PLCB2: variants seen among roughly 807,000 people sequenced by gnomAD.
The protein encoded by PLCB2 is phospholipase C beta 2.
In PLCB2, 115 loss-of-function variants were observed where a neutral mutation model predicts 141.7. The observed-to-expected ratio is 0.81, with a 90% CI of 0.70 to 0.95. The LOEUF (loss-of-function observed/expected upper bound fraction) is 0.95. Ranked by LOEUF, PLCB2 falls within the 40% of genes least tolerant of loss-of-function variation. The pLI, the probability that PLCB2 is intolerant of heterozygous loss-of-function variation, is 0.00. For missense variants in PLCB2, 1,403 were observed against 1,541.1 expected, an observed-to-expected ratio of 0.91 and a Z score of 1.50; for synonymous variants, 603 against 595.6, an observed-to-expected ratio of 1.01 and a Z score of -0.18.
At chr15:40,304,151 C>A (rs2040675143) in intron 1 of PLCB2, 73 bp from the exon 2 acceptor site, 1 of 1,011,274 alleles carries the variant, frequency 9.9e-7, no homozygotes, top group South Asian at 1.4e-5. Context: ...CCAGGGGTTT[C>A]AGAGCTCATT....
intron 11 of PLCB2, 125 bp downstream of exon 11, chr15:40,298,098 C>T: frequency 8.2e-7 from 1 of 1,221,646 alleles, no homozygotes; most frequent in South Asian, 1.4e-5. Context: ...CCTGCTGGTC[C>T]CCAATGGTCT....
At position 40,305,613 on chromosome 15, in the gene PLCB2, A is replaced by G. The variant is rs79446306; in HGVS notation, c.85-1535T>C. The stretch of plus-strand genomic sequence containing the variant: ...AAGGTGGTAAGAAGGGGCTGAAGAC[A>G]TAGTTGTGAGTGACCCCTAAAATAG... On this transcript the variant is annotated intron_variant, in intron 1 of 31. Transcript: ENST00000260402. Among the ~76,000 whole-genome samples, 157 of 152,336 alleles carry G rather than the reference A, an allele frequency of 1.0e-3. 3 individuals are homozygous for G. The East Asian group carries it at 0.024, about 23-fold the overall frequency.
chr15:40,304,371 C>T (rs557474545), intron 1 of PLCB2, among the ~76,000 whole-genome samples: 79 of 152,252 alleles, frequency 5.2e-4, no homozygotes, highest in Middle Eastern at 3.4e-3. Context: ...CCTACTGCCA[C>T]CCAGGAGAGA....
intron 29 of PLCB2, among the ~76,000 whole-genome samples, 157 bp downstream of exon 29, chr15:40,290,416 GAGGA>G (rs1385176298): frequency 6.6e-6 from 1 of 152,240 alleles, no homozygotes; most frequent in Non-Finnish European, 1.5e-5. Flanking sequence ...TGTTTTGTCT[GAGGA>G]GGACACTCTG....
At position 40,288,525 on chromosome 15, in the gene PLCB2, C is replaced by G; in HGVS notation, c.*190G>C. On this transcript the variant is annotated 3_prime_UTR_variant, in exon 32 of 32. Coordinates refer to ENST00000260402, the MANE Select transcript of PLCB2 (RefSeq NM_004573.3). ...AAGACTTCTAGGCCCCAGAGAGGCC[C>G]TGCCGTGAGGGTGCCTGGGTCCTGT... The G allele has an allele frequency of 7.6e-7, 1 of 1,322,178 alleles. No homozygotes were observed. Among genetic ancestry groups the G allele is most frequent in the Non-Finnish European group, 9.7e-7 (1 of 1,035,862 alleles). 81.9% of individuals were successfully genotyped at this position (1,322,178 alleles called of 1,614,324 possible).
Position 40,294,259 on chromosome 15 carries a change from G to T in PLCB2, c.2061+7C>A. On this transcript the variant is annotated splice_region_variant and intron_variant, in intron 19 of 31. Coordinates refer to ENST00000260402, the MANE Select transcript of PLCB2 (RefSeq NM_004573.3). ...CTCCCGGCCACTTGTGTGCCCCAGG[G>T]CCTTGCCGTAATGGAAAGGGTGGTG... is the stretch of plus-strand genomic sequence containing the variant. The T allele has an allele frequency of 6.2e-7, 1 of 1,613,194 alleles. No individual in the cohort carries two copies. The highest frequency in any genetic ancestry group is 8.5e-7 in the Non-Finnish European group (1 of 1,179,870).
rs770984448 is a variant in PLCB2, at chr15:40,292,152, G to T, written c.2438C>A (p.Thr813Asn). The change falls in exon 23 of 32, where the codon ACT becomes AAT. Residue 813 changes from threonine (T) to asparagine (N), a missense_variant. Physicochemically the swap from Thr to Asn is moderately conservative, Grantham distance 65 (BLOSUM62 0). Around this residue, in one of 4 missense-constraint regions of PLCB2, gnomAD observed 975 missense variants for 1,141.1 expected, o/e 0.85. Transcript: ENST00000260402. ...CTTAATGGGGTTGGCGAGGGCCACA[G>T]TGAGATCTGGGTGGGTGCACAGGAC... ...DYIPGAWADL[T>N]VALANPIKFF... 1.1e-5 allele frequency: 18 copies of T among 1,613,874 alleles called. No homozygotes were observed. The highest frequency in any genetic ancestry group is 1.4e-5 in the Non-Finnish European group (17 of 1,179,848).
rs1017482608 is a variant in PLCB2, at chr15:40,297,807, G to A, written c.1238+70C>T. 8.8e-6 allele frequency: 11 copies of A among 1,251,072 alleles called. No individual in the cohort carries two copies. The highest frequency in any genetic ancestry group is 1.5e-5 in the African/African-American group (1 of 67,446). The allele number at this position is 1,251,072 out of a possible 1,614,324, so 77.5% of individuals were successfully genotyped here. A position where few individuals can be genotyped will look rare whatever the true frequency, so the allele number is the denominator to read the frequency against. Reference sequence around the variant, plus strand: ...AATGGTTAGAGGCTGGGGCAGTTGTGGGGAGGACAGTTGCAGACAGGAGAC... The same window carrying A: ...AATGGTTAGAGGCTGGGGCAGTTGTAGGGAGGACAGTTGCAGACAGGAGAC... On this transcript the variant is annotated intron_variant, in intron 12 of 31. Coordinates refer to ENST00000260402, the MANE Select transcript of PLCB2 (RefSeq NM_004573.3). The surrounding 1 kb of genome is among the most constrained non-coding windows in gnomAD (Gnocchi z 4.2).
At chr15:40,292,797 T>C in intron 21 of PLCB2, 129 bp downstream of exon 21, 1 of 625,954 alleles carries the variant, frequency 1.6e-6, no homozygotes, top group South Asian at 2.2e-5. Flanking sequence ...GAGGTACTGT[T>C]CTGCCCTACT....
At position 40,293,563 on chromosome 15, in the gene PLCB2, C is replaced by T. The variant is rs779112170; in HGVS notation, c.2223G>A (p.Glu741=). 6.2e-7 allele frequency: 1 copy of T among 1,613,358 alleles called. No individual in the cohort carries two copies. Among genetic ancestry groups the T allele is most frequent in the Non-Finnish European group, 8.5e-7 (1 of 1,179,442 alleles). Residue 741 remains glutamate (E), a synonymous_variant, in exon 20 of 32, where the codon GAG becomes GAA. Coordinates refer to ENST00000260402, the MANE Select transcript of PLCB2 (RefSeq NM_004573.3). The part of the protein sequence containing the change: ...PVWKEEPFVF[E]KILMPELASL... ...CCTGCCATGCCCTGGCCCCCACCTT[C>T]TCAAAGACAAAGGGCTCCTCCTTCC... is the stretch of plus-strand genomic sequence containing the variant.
Position 40,288,589 on chromosome 15 carries a change from C to T in PLCB2, c.*126G>A, listed in dbSNP as rs141604089. ...CTGGCCGTTGAGGAGGGGGCTGCAG[C>T]GTCCAAGGCAGCCACAGGTTCCCAC... On this transcript the variant is annotated 3_prime_UTR_variant, in exon 32 of 32. Transcript: ENST00000260402. 4.9e-4 allele frequency: 695 copies of T among 1,406,862 alleles called. 1 individual carries two copies. The African/African-American group carries it at 8.5e-3, about 17-fold the overall frequency. The allele number at this position is 1,406,862 out of a possible 1,614,324, so 87.1% of individuals were successfully genotyped here. A position where few individuals can be genotyped will look rare whatever the true frequency, so the allele number is the denominator to read the frequency against.
intron 31 of PLCB2, 141 bp downstream of exon 31, chr15:40,289,131 T>C: frequency 9.8e-7 from 1 of 1,016,066 alleles, no homozygotes; most frequent in Non-Finnish European, 1.5e-6. Flanking sequence ...GCTGCCTCAT[T>C]TGAAAGGGCC....
Position 40,288,408 on chromosome 15 carries a change from CA to C in PLCB2, c.*306del. 1.3e-5 allele frequency: 14 copies of C among 1,114,466 alleles called. No individual in the cohort carries two copies. The highest frequency in any genetic ancestry group is 1.5e-5 in the Non-Finnish European group (14 of 912,282). The allele number at this position is 1,114,466 out of a possible 1,614,324, so 69.0% of individuals were successfully genotyped here. Reference sequence around the variant, plus strand: ...GAAAGGCAGAGTGGGGCCAGGATCCCACTTTCTGCCTTCCAGTCCATAGTCT... The same window carrying C: ...GAAAGGCAGAGTGGGGCCAGGATCCCCTTTCTGCCTTCCAGTCCATAGTCT... On this transcript the variant is annotated 3_prime_UTR_variant, in exon 32 of 32. Coordinates refer to ENST00000260402, the MANE Select transcript of PLCB2 (RefSeq NM_004573.3).
intron 7 of PLCB2, chr15:40,301,302 C>A: frequency 1.9e-6 from 1 of 520,270 alleles, no homozygotes; most frequent in Non-Finnish European, 3.4e-6. Context: ...ACTGGCCAAG[C>A]AGGGACAGGG....
chr15:40,304,229 C>T (rs2040679691), intron 1 of PLCB2, 151 bp from the exon 2 acceptor site: 2 of 614,844 alleles, frequency 3.3e-6, no homozygotes, highest in Admixed American at 5.4e-5. Context: ...AGCTAAGCAC[C>T]AGGAGGGACA....
Position 40,307,749 on chromosome 15 carries a change from G to A in PLCB2, c.-77C>T. 2 of 1,283,332 alleles carry A rather than the reference G, an allele frequency of 1.6e-6. No individual in the cohort carries two copies. The highest frequency in any genetic ancestry group is 1.1e-6 in the Non-Finnish European group (1 of 931,596). The allele number at this position is 1,283,332 out of a possible 1,614,324, so 79.5% of individuals were successfully genotyped here. A position where few individuals can be genotyped will look rare whatever the true frequency, so the allele number is the denominator to read the frequency against. ...GGGCAGGAAGGAGGCCAGCCAGGAGGGGGAGCCAAGCTGGGCTCAAATGGC... is the reference window on the plus strand; with the variant it reads ...GGGCAGGAAGGAGGCCAGCCAGGAGAGGGAGCCAAGCTGGGCTCAAATGGC... On this transcript the variant is annotated 5_prime_UTR_variant, in exon 1 of 32. Transcript: ENST00000260402.
rs2039679727 is a variant in PLCB2 at position 40,288,711 on chromosome 15, G to C, written c.*4C>G. The C allele has an allele frequency of 6.3e-7, 1 of 1,580,922 alleles. No homozygotes were observed. The highest frequency in any genetic ancestry group is 2.3e-5 in the East Asian group (1 of 44,194). ...TTGCTAAATGTCCCAGTGGGATGGG[G>C]GCATCAGAGGCGGCTCTCCTGGGCA... On this transcript the variant is annotated 3_prime_UTR_variant, in exon 32 of 32. Coordinates refer to ENST00000260402, the MANE Select transcript of PLCB2 (RefSeq NM_004573.3).
At chr15:40,296,255 C>G in intron 16 of PLCB2, 41 bp downstream of exon 16, 1 of 1,480,710 alleles carries the variant, frequency 6.8e-7, no homozygotes, top group Non-Finnish European at 9.4e-7. Context: ...GGGAGATCCC[C>G]CTTCTTCTTA....
rs1288002846 is a variant in PLCB2, at chr15:40,295,045, C to A, written c.1797G>T (p.Gln599His). The change falls in exon 18 of 32, where the codon CAG becomes CAT. Residue 599 changes from glutamine to histidine, a missense_variant. By Grantham distance (24) the Gln-to-His change is conservative. Around this residue, in one of 4 missense-constraint regions of PLCB2, gnomAD observed 975 missense variants for 1,141.1 expected, o/e 0.85. Transcript: ENST00000260402. ...SVQFVDYNKR[Q>H]MSRIYPKGTR... ...TTCCCTTGGGGTAAATGCGGCTCAT[C>A]TGGCGCTTGTTGTAGCTGTCCCTGA... is the stretch of plus-strand genomic sequence containing the variant. 3 of 1,612,922 alleles carry A rather than the reference C, an allele frequency of 1.9e-6. No individual in the cohort carries two copies. Among genetic ancestry groups the A allele is most frequent in the African/African-American group, 2.7e-5 (2 of 74,892 alleles).
Sources: gnomAD v4.1 joint callset for allele counts (sites outside exome capture counted in the v4.1 genomes callset) on GRCh38, gnomAD v4.1.1 for gene constraint, gnomAD v4.1.1 regional missense constraint, Gnocchi (gnomAD v3.1) non-coding constraint, MANE v1.5 for transcripts, NCBI Gene and HGNC (gene_info 2026-07-23, HGNC 2026-07-21) for gene names.